KMT2A: variants seen among roughly 807,000 people sequenced by gnomAD.
The protein encoded by KMT2A is histone-lysine N-methyltransferase 2A.
A neutral mutation model predicts 345.3 loss-of-function variants in KMT2A; 16 were observed. The ratio of observed to expected loss-of-function variants is 0.05; its 90% CI spans 0.03 to 0.07. KMT2A has a LOEUF of 0.07. Among genes scored for constraint, KMT2A ranks in the 10% least tolerant of loss-of-function variants. KMT2A has a pLI of 1.00. For synonymous variants in KMT2A, 1,599 were observed against 1,778.6 expected, an observed-to-expected ratio of 0.90 and a Z score of 2.54; for missense variants, 3,272 against 4,841.6, an observed-to-expected ratio of 0.68 and a Z score of 9.62.
At position 118,470,805 on chromosome 11, in the gene KMT2A, A is replaced by G. The variant is rs9332769; in HGVS notation, c.503-857A>G. ...CTAGTCTTACTACTTTTTAAAATAC[A>G]GGTTTATACAAGGTGTTTTAGAAAC... On this transcript the variant is annotated intron_variant, in intron 2 of 35. Transcript: ENST00000534358. Among the ~76,000 whole-genome samples the G allele has an allele frequency of 7.0e-3, 1,061 of 152,332 alleles. 17 individuals are homozygous for G. The highest frequency in any genetic ancestry group is 0.024 in the African/African-American group (1,003 of 41,588).
In KMT2A at chr11:118,491,739, C is replaced by T. The variant is rs782033469; in HGVS notation, c.4820-5C>T. ...CCTCATCATGGTAGGTTTTTGTTTT[C>T]TTAGATGAGATGTATGAGATTCTAT... is the stretch of plus-strand genomic sequence containing the variant. On this transcript the variant is annotated splice_region_variant and splice_polypyrimidine_tract_variant and intron_variant, in intron 14 of 35. Coordinates refer to ENST00000534358, the MANE Select transcript of KMT2A (RefSeq NM_001197104.2). The surrounding 1 kb of genome is among the most constrained non-coding windows in gnomAD (Gnocchi z 4.2). 6.3e-7 allele frequency: 1 copy of T among 1,585,596 alleles called. No individual in the cohort carries two copies.
intron 28 of KMT2A, among the ~76,000 whole-genome samples, chr11:118,508,423 G>C (rs1157472514): frequency 6.6e-6 from 1 of 152,082 alleles, no homozygotes; most frequent in Non-Finnish European, 1.5e-5. Context: ...ATTGTTTCCA[G>C]AATTTATTTA....
intron 2 of KMT2A, among the ~76,000 whole-genome samples, chr11:118,471,354 CCTT>C (rs1158089128): frequency 1.1e-4 from 16 of 152,088 alleles, no homozygotes; most frequent in African/African-American, 3.9e-4. Flanking sequence ...TCAGAAAAAA[CCTT>C]CTTGCTCATC....
intron 1 of KMT2A, among the ~76,000 whole-genome samples, chr11:118,454,529 T>C (rs941105143): frequency 6.6e-6 from 1 of 152,240 alleles, no homozygotes; most frequent in Admixed American, 6.5e-5. Flanking sequence ...CTGTTGAAAC[T>C]ACTCCACTCT....
At chr11:118,447,212 A>C (rs570445507) in intron 1 of KMT2A, among the ~76,000 whole-genome samples, 2 of 152,292 alleles carry the variant, frequency 1.3e-5, no homozygotes, top group South Asian at 2.1e-4. Flanking sequence ...ATGTCGTGGT[A>C]CTTTTGAAAT....
In KMT2A at chr11:118,505,619, C is replaced by G; in HGVS notation, c.9727C>G (p.Pro3243Ala). The G allele has an allele frequency of 6.2e-7, 1 of 1,614,136 alleles. No homozygotes were observed. Among genetic ancestry groups the G allele is most frequent in the Non-Finnish European group, 8.5e-7 (1 of 1,180,002 alleles). ...KNKKLAPSST[P>A]SNIAPSDVVS... ...TAAAAAACTTGCTCCCTCTAGTACC[C>G]CTTCAAACATTGCCCCTTCTGATGT... is the stretch of plus-strand genomic sequence containing the variant. Residue 3243 changes from proline to alanine, a missense_variant, in exon 27 of 36, where the codon CCT becomes GCT. Physicochemically the swap from Pro to Ala is conservative, Grantham distance 27 (BLOSUM62 -1). Around this residue, in one of 27 missense-constraint regions of KMT2A, gnomAD observed 748 missense variants for 922.2 expected, o/e 0.81. Coordinates refer to ENST00000534358, the MANE Select transcript of KMT2A (RefSeq NM_001197104.2). This position sits in a 1 kb window ranked among gnomAD's most constrained non-coding sequence, Gnocchi z 4.6.
At chr11:118,471,610 C>G in intron 2 of KMT2A, 52 bp from the exon 3 acceptor site, 1 of 1,332,036 alleles carries the variant, frequency 7.5e-7, no homozygotes, top group Non-Finnish European at 1.0e-6. Flanking sequence ...TAGTTAAAAC[C>G]TAAACTACAC....
At chr11:118,456,497 C>T (rs566274832) in intron 1 of KMT2A, among the ~76,000 whole-genome samples, 3 of 152,158 alleles carry the variant, frequency 2.0e-5, no homozygotes, top group Admixed American at 1.3e-4. Flanking sequence ...TGCCACCACG[C>T]CCAGCTAATT....
intron 1 of KMT2A, chr11:118,447,662 C>T (rs1432595440): frequency 6.6e-6 from 3 of 453,752 alleles, no homozygotes; most frequent in Middle Eastern, 3.2e-4. Context: ...ACCTTGGAGA[C>T]GGTTCTGAGG....
chr11:118,516,462 T>TA (rs1214667649), intron 31 of KMT2A, among the ~76,000 whole-genome samples: 2 of 152,136 alleles, frequency 1.3e-5, no homozygotes, highest in East Asian at 3.9e-4. Flanking sequence ...GAAACTCTCT[T>TA]AAAAAAAATT....
intron 1 of KMT2A, among the ~76,000 whole-genome samples, chr11:118,446,011 A>C (rs1555027064): frequency 6.6e-6 from 1 of 152,092 alleles, no homozygotes; most frequent in Non-Finnish European, 1.5e-5. Context: ...CTCCAAAAAA[A>C]AGAAAGAAAA....
At chr11:118,449,528 G>A (rs1949488233) in intron 1 of KMT2A, 1 of 149,304 alleles carries the variant, frequency 6.7e-6, no homozygotes, top group Non-Finnish European at 1.5e-5. Context: ...CGAGGCTGCA[G>A]TGAGCCATGA....
At chr11:118,478,278 G>A in intron 5 of KMT2A, 77 bp downstream of exon 5, 1 of 1,070,806 alleles carries the variant, frequency 9.3e-7, no homozygotes. Context: ...TTGTTGCAGA[G>A]ATACATCAGG....
At chr11:118,456,329 A>T (rs782539046) in intron 1 of KMT2A, among the ~76,000 whole-genome samples, 30 of 152,082 alleles carry the variant, frequency 2.0e-4, no homozygotes, top group Non-Finnish European at 3.7e-4. Flanking sequence ...TCTACTAAAA[A>T]TTTAAAAAAT....
intron 1 of KMT2A, among the ~76,000 whole-genome samples, chr11:118,440,684 C>T (rs1555139916): frequency 1.3e-5 from 2 of 151,868 alleles, no homozygotes; most frequent in African/African-American, 4.8e-5. Context: ...TTTATTTTCA[C>T]TTGAAATTGC....
At position 118,436,724 on chromosome 11, in the gene KMT2A, G is replaced by C. The variant is rs782463811; in HGVS notation, c.212G>C (p.Gly71Ala). The change falls in exon 1 of 36, where the codon GGG becomes GCG. Residue 71 changes from glycine to alanine, a missense_variant. Gly to Ala is a moderately conservative substitution (Grantham distance 60). Transcript: ENST00000534358. The surrounding 1 kb of genome is among the most constrained non-coding windows in gnomAD (Gnocchi z 6.9). The stretch of plus-strand genomic sequence containing the variant: ...GCGGCGGCGGCGGCGGGAAGCAGCG[G>C]GGCTGGGGTTCCAGGGGGAGCGGCC... ...AAAAAAAGSSGAGVPGGAAAA... is the reference protein window; with the variant it reads ...AAAAAAAGSSAAGVPGGAAAA... 2 of 1,520,394 alleles carry C rather than the reference G, an allele frequency of 1.3e-6. No individual in the cohort carries two copies. Among genetic ancestry groups the C allele is most frequent in the African/African-American group, 2.8e-5 (2 of 70,312 alleles). The allele number at this position is 1,520,394 out of a possible 1,614,324, so 94.2% of individuals were successfully genotyped here.
Position 118,473,623 on chromosome 11 carries a change from G to T in KMT2A, c.2464G>T (p.Ala822Ser). Residue 822 changes from alanine to serine, a missense_variant, in exon 3 of 36, where the codon GCT becomes TCT. Physicochemically the swap from Ala to Ser is moderately conservative, Grantham distance 99 (BLOSUM62 1). Around this residue, in one of 27 missense-constraint regions of KMT2A, gnomAD observed 209 missense variants for 237.4 expected, o/e 0.88. Coordinates refer to ENST00000534358, the MANE Select transcript of KMT2A (RefSeq NM_001197104.2). The surrounding 1 kb of genome is among the most constrained non-coding windows in gnomAD (Gnocchi z 5.2). ...KNQRPRKQTS[A>S]PAEPFSSSSP... is the part of the protein sequence containing the mutation. Reference sequence around the variant, plus strand: ...TCAGAGACCAAGGAAGCAGACTAGTGCTCCGGCAGAGCCATTTTCATCAAG... The same window carrying T: ...TCAGAGACCAAGGAAGCAGACTAGTTCTCCGGCAGAGCCATTTTCATCAAG... 6.2e-7 allele frequency: 1 copy of T among 1,614,094 alleles called. No individual in the cohort carries two copies. Among genetic ancestry groups the T allele is most frequent in the Non-Finnish European group, 8.5e-7 (1 of 1,180,040 alleles).
rs1195412562 is a variant in KMT2A at position 118,499,718 on chromosome 11, T to C, written c.6080-117T>C. On this transcript the variant is annotated intron_variant, in intron 23 of 35. Coordinates refer to ENST00000534358, the MANE Select transcript of KMT2A (RefSeq NM_001197104.2). ...TCACTTGAACCCCGGAGGCAGAGGC[T>C]GCAGTGAGCTGAGATTGCGCCACTG... The C allele has an allele frequency of 1.2e-5, 9 of 763,124 alleles. No homozygotes were observed. The East Asian group carries it at 2.0e-4, about 17-fold the overall frequency. 47.3% of individuals were successfully genotyped at this position (763,124 alleles called of 1,614,324 possible). A position where few individuals can be genotyped will look rare whatever the true frequency, so the allele number is the denominator to read the frequency against.
rs1950202755 is a variant in KMT2A at position 118,484,880 on chromosome 11, A to G, written c.4237A>G (p.Asn1413Asp). ...VDFKEDCEAE[N>D]VWEMGGLGIL... Reference sequence around the variant, plus strand: ...TCCACAGGAGGATTGTGAAGCAGAAAATGTGTGGGAGATGGGAGGCTTAGG... The same window carrying G: ...TCCACAGGAGGATTGTGAAGCAGAAGATGTGTGGGAGATGGGAGGCTTAGG... The change falls in exon 10 of 36, where the codon AAT becomes GAT. Residue 1413 changes from asparagine (N) to aspartate (D), a missense_variant. Transcript: ENST00000534358. This position sits in a 1 kb window ranked among gnomAD's most constrained non-coding sequence, Gnocchi z 4.1. The G allele has an allele frequency of 1.2e-6, 2 of 1,613,618 alleles. No individual in the cohort carries two copies. Among genetic ancestry groups the G allele is most frequent in the Admixed American group, 1.7e-5 (1 of 59,998 alleles).
Sources: allele counts gnomAD v4.1 joint callset (sites outside exome capture counted in the v4.1 genomes callset), GRCh38; gene constraint gnomAD v4.1.1; regional missense constraint gnomAD v4.1.1; non-coding constraint Gnocchi (gnomAD v3.1); transcripts MANE v1.5; gene names NCBI Gene and HGNC (gene_info 2026-07-23, HGNC 2026-07-21).